Variants in NCAM2 observed in about 807,000 individuals in gnomAD.
The protein encoded by NCAM2 is N-CAM-2.
NCAM2 carries 30 observed loss-of-function variants against 98.1 expected under a neutral mutation model. The observed-to-expected ratio is 0.31, with a 90% CI of 0.23 to 0.41. The LOEUF (loss-of-function observed/expected upper bound fraction) is 0.41. Among genes scored for constraint, NCAM2 ranks in the 10% least tolerant of loss-of-function variants. The probability of loss-of-function intolerance (pLI) is 1.00; values close to 1 mark genes in which losing one functional copy is unlikely to be tolerated. For missense variants in NCAM2, 867 were observed against 1,005.8 expected, an observed-to-expected ratio of 0.86 and a Z score of 1.87; for synonymous variants, 368 against 342.4, an observed-to-expected ratio of 1.07 and a Z score of -0.83.
intron 11 of NCAM2, among the ~76,000 whole-genome samples, chr21:21,424,178 T>A (rs1225135200): frequency 1.3e-5 from 2 of 152,232 alleles, no homozygotes; most frequent in Admixed American, 1.3e-4. Flanking sequence ...ATTCATAATA[T>A]ATTCTTGGTT....
intron 1 of NCAM2, among the ~76,000 whole-genome samples, chr21:21,142,628 C>G (rs2067194694): frequency 6.6e-6 from 1 of 152,102 alleles, no homozygotes; most frequent in Admixed American, 6.5e-5. Flanking sequence ...ATCCGCCCGC[C>G]TAGGCCTCCC....
chr21:21,396,659 G>C (rs2076515078), intron 9 of NCAM2, among the ~76,000 whole-genome samples: 1 of 152,180 alleles, frequency 6.6e-6, no homozygotes, highest in Non-Finnish European at 1.5e-5. Context: ...CAGCTGCTGT[G>C]GTGGGACAGG....
chr21:21,204,573 C>T (rs539680370), intron 1 of NCAM2, among the ~76,000 whole-genome samples: 1 of 152,200 alleles, frequency 6.6e-6, no homozygotes, highest in South Asian at 2.1e-4. Flanking sequence ...GGATTCTAGC[C>T]AATATTCTGA....
At chr21:21,251,186 G>A (rs1371896340) in intron 1 of NCAM2, among the ~76,000 whole-genome samples, 2 of 152,096 alleles carry the variant, frequency 1.3e-5, no homozygotes, top group East Asian at 1.9e-4. Context: ...TTAAGTTCCA[G>A]GATACATGTG....
chr21:21,149,570 C>T (rs949804310), intron 1 of NCAM2, among the ~76,000 whole-genome samples: 10 of 151,902 alleles, frequency 6.6e-5, no homozygotes, highest in Non-Finnish European at 1.5e-4. Flanking sequence ...TCCCCTTGCC[C>T]CCCACCCCCC....
intron 6 of NCAM2, among the ~76,000 whole-genome samples, chr21:21,334,339 T>C (rs970386393): frequency 6.6e-6 from 1 of 152,200 alleles, no homozygotes; most frequent in Non-Finnish European, 1.5e-5. Flanking sequence ...ACTGGAACAA[T>C]AAATTCTATT....
intron 5 of NCAM2, among the ~76,000 whole-genome samples, chr21:21,305,192 C>A (rs2073843138): frequency 6.6e-6 from 1 of 152,030 alleles, no homozygotes; most frequent in South Asian, 2.1e-4. Flanking sequence ...GTGGTGGGCA[C>A]CTGTAATCCC....
intron 15 of NCAM2, among the ~76,000 whole-genome samples, chr21:21,482,861 C>T (rs1986015294): frequency 6.6e-6 from 1 of 151,392 alleles, no homozygotes; most frequent in African/African-American, 2.4e-5. Flanking sequence ...CAATCGTGTT[C>T]CTTTTCAGAA....
intron 9 of NCAM2, among the ~76,000 whole-genome samples, chr21:21,406,326 A>G (rs1569027346): frequency 6.6e-6 from 1 of 152,192 alleles, no homozygotes; most frequent in Non-Finnish European, 1.5e-5. Flanking sequence ...ACCTGGCCTA[A>G]CAGGGTCCTT....
intron 1 of NCAM2, among the ~76,000 whole-genome samples, chr21:21,143,559 C>G (rs1422832531): frequency 2.0e-5 from 3 of 152,112 alleles, no homozygotes; most frequent in Non-Finnish European, 4.4e-5. Context: ...TTTATACTTT[C>G]ACATTTCAGT....
At chr21:21,262,779 T>G (rs1313931463) in intron 1 of NCAM2, among the ~76,000 whole-genome samples, 1 of 151,248 alleles carries the variant, frequency 6.6e-6, no homozygotes, top group Admixed American at 6.6e-5. Context: ...AAAATAAAGA[T>G]ATTTAATGGA....
At chr21:21,501,022 G>C (rs1297632223) in intron 15 of NCAM2, among the ~76,000 whole-genome samples, 1 of 151,912 alleles carries the variant, frequency 6.6e-6, no homozygotes, top group Non-Finnish European at 1.5e-5. Context: ...ACACTATTTT[G>C]CTCACCTAGT....
intron 1 of NCAM2, among the ~76,000 whole-genome samples, chr21:21,069,693 G>A (rs960072971): frequency 6.6e-6 from 1 of 152,134 alleles, no homozygotes; most frequent in Non-Finnish European, 1.5e-5. Context: ...TGAAGGCAGG[G>A]AAGTGATAAG....
chr21:21,501,969 A>T (rs967768922), intron 15 of NCAM2, among the ~76,000 whole-genome samples: 1 of 152,014 alleles, frequency 6.6e-6, no homozygotes, highest in Non-Finnish European at 1.5e-5. Context: ...GGTAAATAAG[A>T]GTAATTAGAT....
intron 1 of NCAM2, among the ~76,000 whole-genome samples, chr21:21,159,126 G>A (rs529089451): frequency 2.0e-5 from 3 of 151,358 alleles, no homozygotes; most frequent in Non-Finnish European, 4.4e-5. Context: ...AAGTATAAAA[G>A]GTAAAATAAA....
At position 21,514,786 on chromosome 21, in the gene NCAM2, G is replaced by C. The variant is rs546007323; in HGVS notation, c.2282+5731G>C. 5.3e-5 allele frequency among the ~76,000 whole-genome samples: 8 copies of C among 152,232 alleles called. No individual in the cohort carries two copies. In the South Asian group the frequency reaches 1.2e-3, roughly 24 times the overall value. Reference sequence around the variant, plus strand: ...TCTCATGAATAGCAGTGCCATGGTTGTGACATCTCAGATGACAGAATTCAA... The same window carrying C: ...TCTCATGAATAGCAGTGCCATGGTTCTGACATCTCAGATGACAGAATTCAA... On this transcript the variant is annotated intron_variant, in intron 16 of 17. Coordinates refer to ENST00000400546, the MANE Select transcript of NCAM2 (RefSeq NM_004540.5).
chr21:21,492,550 G>A (rs1230143748), intron 15 of NCAM2, among the ~76,000 whole-genome samples: 1 of 151,652 alleles, frequency 6.6e-6, no homozygotes, highest in East Asian at 1.9e-4. Flanking sequence ...TCACTTTCTT[G>A]TTTTTTACAC....
intron 1 of NCAM2, among the ~76,000 whole-genome samples, chr21:21,194,039 A>G (rs2068918653): frequency 6.6e-6 from 1 of 152,188 alleles, no homozygotes; most frequent in African/African-American, 2.4e-5. Context: ...CCAAAAACAA[A>G]GCAATGAGAA....
At chr21:21,125,473 T>TGTA (rs2066779892) in intron 1 of NCAM2, among the ~76,000 whole-genome samples, 1 of 13,016 alleles carries the variant, frequency 7.7e-5, no homozygotes, top group Non-Finnish European at 3.1e-4. Flanking sequence ...CAGATATATA[T>TGTA]ATCTATATAT....
Sources: gnomAD v4.1 joint callset for allele counts (sites outside exome capture counted in the v4.1 genomes callset) on GRCh38, gnomAD v4.1.1 for gene constraint, MANE v1.5 for transcripts, NCBI Gene and HGNC (gene_info 2026-07-23, HGNC 2026-07-21) for gene names.